The following SKAP1 variants were observed in gnomAD, a reference collection of about 807,000 sequenced individuals.
The protein encoded by SKAP1 is src kinase-associated phosphoprotein 1.
SKAP1 carries 44 observed loss-of-function variants against 58.5 expected under a neutral mutation model. That is an observed-to-expected ratio of 0.75 (90% CI 0.59 to 0.97). The LOEUF (loss-of-function observed/expected upper bound fraction) is 0.97, where lower values mean the gene tolerates loss of function less well. Among genes scored for constraint, SKAP1 ranks in the 50% least tolerant of loss-of-function variants. The pLI, the probability that SKAP1 is intolerant of heterozygous loss-of-function variation, is 0.00. For synonymous variants in SKAP1, 127 were observed against 149.7 expected, an observed-to-expected ratio of 0.85 and a Z score of 1.11; for missense variants, 390 against 435.2, an observed-to-expected ratio of 0.90 and a Z score of 0.92.
At chr17:48,382,316 T>C (rs1238349347) in intron 2 of SKAP1, 3 of 152,226 alleles carry the variant, frequency 2.0e-5, no homozygotes, top group African/African-American at 7.2e-5. Context: ...CTGCACGTTG[T>C]GCACGTGTAC....
chr17:48,398,845 C>T (rs948877182), intron 1 of SKAP1, among the ~76,000 whole-genome samples: 4 of 151,898 alleles, frequency 2.6e-5, no homozygotes, highest in African/African-American at 7.3e-5. Flanking sequence ...CATGGTGAAA[C>T]CCCCCGTCTC....
chr17:48,379,691 T>C lies in SKAP1; in HGVS notation c.153-15877A>G, dbSNP rs1371808653. Reference sequence around the variant, plus strand: ...ACTAAAGTATCTTCTTCTTTTTTTTTTTTTTTTTGAGACAGAGTCTTACTC... The same window carrying C: ...ACTAAAGTATCTTCTTCTTTTTTTTCTTTTTTTTGAGACAGAGTCTTACTC... On this transcript the variant is annotated intron_variant, in intron 2 of 12. Coordinates refer to ENST00000336915, the MANE Select transcript of SKAP1 (RefSeq NM_003726.4). 2.0e-5 allele frequency among the ~76,000 whole-genome samples: 3 copies of C among 151,290 alleles called. 1 individual carries two copies. The highest frequency in any genetic ancestry group is 2.1e-4 in the South Asian group (1 of 4,774).
At chr17:48,206,189 T>C (rs926303555) in intron 4 of SKAP1, among the ~76,000 whole-genome samples, 2 of 152,264 alleles carry the variant, frequency 1.3e-5, no homozygotes, top group Middle Eastern at 3.2e-3. Context: ...TAGAAAACTA[T>C]GCAAATGAAG....
intron 1 of SKAP1, among the ~76,000 whole-genome samples, chr17:48,406,945 C>T (rs113300798): frequency 0.026 from 4,026 of 152,230 alleles, 81 homozygotes; most frequent in Non-Finnish European, 0.038. Flanking sequence ...TCAAGAGATC[C>T]TCCTGCCTCA....
intron 4 of SKAP1, among the ~76,000 whole-genome samples, chr17:48,339,660 CCAAAGTTGTCAG>C (rs1387830082): frequency 6.6e-6 from 1 of 152,112 alleles, no homozygotes; most frequent in Non-Finnish European, 1.5e-5. Context: ...ACATTTTACT[CCAAAGTTGTCAG>C]CAAGATTCCA....
intron 4 of SKAP1, among the ~76,000 whole-genome samples, chr17:48,192,635 G>C (rs919645304): frequency 2.0e-5 from 3 of 152,160 alleles, no homozygotes; most frequent in Non-Finnish European, 2.9e-5. Context: ...CAGCCCCTGT[G>C]AGTTGCCATC....
At chr17:48,229,593 C>T in intron 4 of SKAP1, among the ~76,000 whole-genome samples, 1 of 151,850 alleles carries the variant, frequency 6.6e-6, no homozygotes, top group East Asian at 1.9e-4. Context: ...TGCACTCCAG[C>T]CTGGGTGACA....
At chr17:48,309,643 C>T (rs887114851) in intron 4 of SKAP1, among the ~76,000 whole-genome samples, 1 of 152,130 alleles carries the variant, frequency 6.6e-6, no homozygotes, top group Non-Finnish European at 1.5e-5. Flanking sequence ...AACCTCCCAT[C>T]TATTTGGAAA....
intron 2 of SKAP1, among the ~76,000 whole-genome samples, chr17:48,392,674 T>C (rs929070994): frequency 6.6e-6 from 1 of 151,680 alleles, no homozygotes; most frequent in African/African-American, 2.4e-5. Context: ...CTGGCCAACA[T>C]GGTAAAACCC....
chr17:48,349,279 C>T (rs1342200589), intron 3 of SKAP1, among the ~76,000 whole-genome samples: 1 of 152,152 alleles, frequency 6.6e-6, no homozygotes, highest in Non-Finnish European at 1.5e-5. Flanking sequence ...TTCTAAATGG[C>T]CACAACTGTA....
intron 10 of SKAP1, among the ~76,000 whole-genome samples, chr17:48,166,561 C>T (rs147616523): frequency 6.6e-6 from 1 of 152,250 alleles, no homozygotes; most frequent in African/African-American, 2.4e-5. Context: ...CACTGGGTAG[C>T]GACAGAATTC....
intron 4 of SKAP1, chr17:48,231,812 T>C (rs2065129082): frequency 1.3e-5 from 2 of 152,202 alleles, no homozygotes; most frequent in South Asian, 4.1e-4. Flanking sequence ...TAACCTAGTG[T>C]TAATAGATTC....
At chr17:48,190,934 G>A (rs1047786301) in intron 4 of SKAP1, among the ~76,000 whole-genome samples, 1 of 152,226 alleles carries the variant, frequency 6.6e-6, no homozygotes, top group Non-Finnish European at 1.5e-5. Context: ...GCAGTGAGCC[G>A]AGATCGTGCC....
chr17:48,409,880 A>G (rs1250664658), intron 1 of SKAP1, among the ~76,000 whole-genome samples: 3 of 152,178 alleles, frequency 2.0e-5, no homozygotes, highest in Non-Finnish European at 4.4e-5. Context: ...GCAAATTTCA[A>G]GAAGTCATTT....
intron 1 of SKAP1, among the ~76,000 whole-genome samples, chr17:48,407,281 G>T (rs982065713): frequency 6.6e-6 from 1 of 152,088 alleles, no homozygotes; most frequent in African/African-American, 2.4e-5. Context: ...AACTCAAGAA[G>T]TCAGAACAGA....
At chr17:48,361,166 T>G (rs1249772670) in intron 3 of SKAP1, among the ~76,000 whole-genome samples, 1 of 151,930 alleles carries the variant, frequency 6.6e-6, no homozygotes, top group Non-Finnish European at 1.5e-5. Context: ...GTAAATTTTA[T>G]GGTATGTGAA....
At chr17:48,287,080 G>A (rs1246712367) in intron 4 of SKAP1, among the ~76,000 whole-genome samples, 3 of 151,130 alleles carry the variant, frequency 2.0e-5, no homozygotes, top group Non-Finnish European at 4.4e-5. Context: ...CTGGGCGACA[G>A]AGCAAGACTC....
intron 4 of SKAP1, among the ~76,000 whole-genome samples, chr17:48,259,294 C>A (rs985450152): frequency 1.3e-5 from 2 of 152,044 alleles, no homozygotes; most frequent in African/African-American, 2.4e-5. Flanking sequence ...ATTCAAAATT[C>A]TCATATCTAT....
intron 4 of SKAP1, among the ~76,000 whole-genome samples, chr17:48,247,295 C>A (rs927190707): frequency 2.0e-5 from 3 of 152,096 alleles, no homozygotes; most frequent in Non-Finnish European, 4.4e-5. Flanking sequence ...TAACTAAGCA[C>A]CATGAAAGCA....
Sources: gnomAD v4.1 joint callset for allele counts (sites outside exome capture counted in the v4.1 genomes callset) on GRCh38, gnomAD v4.1.1 for gene constraint, MANE v1.5 for transcripts, NCBI Gene and HGNC (gene_info 2026-07-23, HGNC 2026-07-21) for gene names.